The following PLEKHA8 variants were observed in gnomAD, a reference collection of about 807,000 sequenced individuals.
The protein encoded by PLEKHA8 is pleckstrin homology domain-containing family A member 8.
A neutral mutation model predicts 68.2 loss-of-function variants in PLEKHA8; 36 were observed. That is an observed-to-expected ratio of 0.53 (90% CI 0.40 to 0.70). PLEKHA8 has a LOEUF of 0.70. Among genes scored for constraint, PLEKHA8 ranks in the 30% least tolerant of loss-of-function variants. PLEKHA8 has a pLI of 0.00. For synonymous variants in PLEKHA8, 211 were observed against 216.1 expected (o/e 0.98, Z 0.20); for missense variants, 505 against 615.4 (o/e 0.82, Z 1.90).
chr7:30,073,563 T>TAAAAAAAAAAAAAAAAAAAAAAAAAAA (rs35738941), intron 12 of PLEKHA8, among the ~76,000 whole-genome samples: 13 of 111,764 alleles, frequency 1.2e-4, no homozygotes, highest in African/African-American at 4.3e-4. Flanking sequence ...TTGTGTTTCT[T>TAAAAAAAAAAAAAAAAAAAAAAAAAAA]AAAAAAAAAA....
chr7:30,069,114 A>C (rs889576916), intron 12 of PLEKHA8, among the ~76,000 whole-genome samples: 1 of 152,166 alleles, frequency 6.6e-6, no homozygotes, highest in African/African-American at 2.4e-5. Flanking sequence ...GGTTCTTACT[A>C]TTCTAAGTGA....
chr7:30,113,430 G>T (rs902673716), intron 13 of PLEKHA8, among the ~76,000 whole-genome samples: 20 of 152,214 alleles, frequency 1.3e-4, no homozygotes, highest in Admixed American at 9.2e-4. Flanking sequence ...TGAGTACTGT[G>T]CTGTCAACTT....
chr7:30,052,646 A>T, intron 6 of PLEKHA8, 63 bp from the exon 7 acceptor site: 1 of 1,149,082 alleles, frequency 8.7e-7, no homozygotes, highest in Non-Finnish European at 1.2e-6. Context: ...GTTTCAAAAA[A>T]AAAAAAAAAA....
Position 30,081,905 on chromosome 7 carries a change from A to C in PLEKHA8, c.*3118A>C. 1 of 979,718 alleles carries C rather than the reference A, an allele frequency of 1.0e-6. No individual in the cohort carries two copies. Among genetic ancestry groups the C allele is most frequent in the Non-Finnish European group, 1.2e-6 (1 of 824,780 alleles). 60.7% of individuals were successfully genotyped at this position (979,718 alleles called of 1,614,324 possible). On this transcript the variant is annotated 3_prime_UTR_variant, in exon 14 of 14. Transcript: ENST00000449726. Reference sequence around the variant, plus strand: ...TAAACAAAATATTTTCAATGATGGCAAGTCTCTTGACTTTTGAAAGCAAGT... The same window carrying C: ...TAAACAAAATATTTTCAATGATGGCCAGTCTCTTGACTTTTGAAAGCAAGT...
At chr7:30,041,955 G>A (rs1791574906) in intron 1 of PLEKHA8, among the ~76,000 whole-genome samples, 1 of 152,102 alleles carries the variant, frequency 6.6e-6, no homozygotes, top group African/African-American at 2.4e-5. Context: ...TTGATGATGT[G>A]ATGGTTTATT....
Position 30,078,674 on chromosome 7 carries a change from A to T in PLEKHA8, c.1447A>T (p.Ser483Cys). Residue 483 changes from serine (S) to cysteine (C), a missense_variant, in exon 14 of 14, where the codon AGT becomes TGT. Transcript: ENST00000449726. ...KEGDHQKEAF[S>C]IGMQRDLSLY... is the part of the protein sequence containing the mutation. Reference sequence around the variant, plus strand: ...AGGTGACCACCAGAAAGAAGCTTTCAGTATTGGGATGCAGAGGGACCTCAG... The same window carrying T: ...AGGTGACCACCAGAAAGAAGCTTTCTGTATTGGGATGCAGAGGGACCTCAG... The T allele has an allele frequency of 6.2e-7, 1 of 1,613,882 alleles. No individual in the cohort carries two copies. The highest frequency in any genetic ancestry group is 8.5e-7 in the Non-Finnish European group (1 of 1,179,842).
intron 13 of PLEKHA8, among the ~76,000 whole-genome samples, chr7:30,105,339 C>T (rs1415600397): frequency 7.4e-6 from 1 of 134,576 alleles, no homozygotes; most frequent in Non-Finnish European, 1.6e-5. Context: ...AAAAAAAAAG[C>T]CATTCATGGT....
chr7:30,103,087 A>G (rs1255171842), intron 13 of PLEKHA8, among the ~76,000 whole-genome samples: 2 of 152,266 alleles, frequency 1.3e-5, no homozygotes, highest in East Asian at 1.9e-4. Flanking sequence ...AGAAAGAGAG[A>G]GAGAGAGATT....
downstream of PLEKHA8, among the ~76,000 whole-genome samples, chr7:30,086,605 A>G (rs890564968): frequency 2.0e-5 from 3 of 151,596 alleles, no homozygotes; most frequent in Admixed American, 2.0e-4. Context: ...GTGGCTGTGC[A>G]TGCCACTTGC....
intron 13 of PLEKHA8, among the ~76,000 whole-genome samples, chr7:30,127,828 A>G (rs1470873372): frequency 6.6e-6 from 1 of 152,254 alleles, no homozygotes; most frequent in African/African-American, 2.4e-5. Flanking sequence ...CATTCATTTC[A>G]GCATTCCTGA....
intron 6 of PLEKHA8, among the ~76,000 whole-genome samples, chr7:30,051,436 G>A (rs1348794862): frequency 6.6e-6 from 1 of 151,136 alleles, no homozygotes; most frequent in Non-Finnish European, 1.5e-5. Context: ...TTTTCCTGTA[G>A]TTACTATGTA....
At chr7:30,074,724 G>A (rs1158199137) in intron 13 of PLEKHA8, among the ~76,000 whole-genome samples, 3 of 151,666 alleles carry the variant, frequency 2.0e-5, no homozygotes, top group Non-Finnish European at 2.9e-5. Flanking sequence ...TAACTGTATT[G>A]GGTGTGCCAG....
At chr7:30,056,310 CTCTATATA>C (rs1264889823) in intron 9 of PLEKHA8, among the ~76,000 whole-genome samples, 4 of 72,202 alleles carry the variant, frequency 5.5e-5, no homozygotes, top group African/African-American at 1.9e-4. Context: ...CTCTCTCTCT[CTCTATATA>C]TATATATATA....
Position 30,028,917 on chromosome 7 carries a change from A to C in PLEKHA8, c.40+115A>C, listed in dbSNP as rs552194799. 496 of 1,118,458 alleles carry C rather than the reference A, an allele frequency of 4.4e-4. 1 individual carries two copies. Among genetic ancestry groups the C allele is most frequent in the Non-Finnish European group, 4.7e-4 (411 of 881,886 alleles). 69.3% of individuals were successfully genotyped at this position (1,118,458 alleles called of 1,614,324 possible). A position where few individuals can be genotyped will look rare whatever the true frequency, so the allele number is the denominator to read the frequency against. ...GGGGTCACGGCCCTTTCCTGAGGCCAGCGCGGAGCGGGAGTATTTCCCAAA... is the reference window on the plus strand; with the variant it reads ...GGGGTCACGGCCCTTTCCTGAGGCCCGCGCGGAGCGGGAGTATTTCCCAAA... On this transcript the variant is annotated intron_variant, in intron 1 of 13. Coordinates refer to ENST00000449726, the MANE Select transcript of PLEKHA8 (RefSeq NM_001197026.2).
intron 13 of PLEKHA8, chr7:30,116,104 G>T (rs533715794): frequency 1.3e-5 from 2 of 148,432 alleles, no homozygotes; most frequent in Non-Finnish European, 3.0e-5. Context: ...GTATACATAC[G>T]CATACATACA....
chr7:30,048,703 A>G (rs1792159256), intron 4 of PLEKHA8, among the ~76,000 whole-genome samples: 1 of 152,240 alleles, frequency 6.6e-6, no homozygotes, highest in Non-Finnish European at 1.5e-5. Context: ...ATTAGGTAGT[A>G]GAAGAACACT....
At chr7:30,091,149 CTAAA>C (rs1327785654), downstream of PLEKHA8, among the ~76,000 whole-genome samples, 2 of 152,142 alleles carry the variant, frequency 1.3e-5, no homozygotes, top group African/African-American at 4.8e-5. Context: ...GACCCTATCT[CTAAA>C]TATATATTTC....
chr7:30,034,542 C>G (rs867746577), intron 1 of PLEKHA8, among the ~76,000 whole-genome samples: 1 of 151,982 alleles, frequency 6.6e-6, no homozygotes, highest in Non-Finnish European at 1.5e-5. Context: ...TGCATTCCTA[C>G]AATAAAGTAA....
At chr7:30,090,862 G>A (rs140314446), downstream of PLEKHA8, 273 of 188,526 alleles carry the variant, frequency 1.4e-3, no homozygotes, top group African/African-American at 5.6e-3. Context: ...ATGATTTTAC[G>A]TTTATAAAAA....
Sources: allele counts gnomAD v4.1 joint callset (sites outside exome capture counted in the v4.1 genomes callset), GRCh38; gene constraint gnomAD v4.1.1; transcripts MANE v1.5; gene names NCBI Gene and HGNC (gene_info 2026-07-23, HGNC 2026-07-21).